GFM2: variants seen among roughly 807,000 people sequenced by gnomAD.
GFM2 encodes GTP dependent ribosome recycling factor mitochondrial 2, also known as ribosome-releasing factor 2, mitochondrial.
GFM2 carries 72 observed loss-of-function variants against 95.4 expected under a neutral mutation model. The ratio of observed to expected loss-of-function variants is 0.76; its 90% CI spans 0.62 to 0.92. GFM2 has a LOEUF of 0.92. GFM2 is among the 40% of genes least tolerant of loss of function. The pLI is 0.00. For missense variants in GFM2, 825 were observed against 924.1 expected (o/e 0.89, Z 1.39); for synonymous variants, 276 against 317.5 (o/e 0.87, Z 1.39).
At chr5:74,760,818 A>G in intron 3 of GFM2, 84 bp downstream of exon 3, 1 of 898,730 alleles carries the variant, frequency 1.1e-6, no homozygotes. Context: ...CAGAGCCCTA[A>G]TAAGGGAGAT....
chr5:74,765,731 T>A (rs1020732133), intron 1 of GFM2, among the ~76,000 whole-genome samples: 3 of 152,164 alleles, frequency 2.0e-5, no homozygotes, highest in Admixed American at 1.3e-4. Flanking sequence ...GCTCGGTGGC[T>A]CACGCCTGTA....
chr5:74,755,806 A>G (rs955054127), intron 5 of GFM2, among the ~76,000 whole-genome samples: 5 of 152,218 alleles, frequency 3.3e-5, no homozygotes, highest in Non-Finnish European at 7.4e-5. Context: ...ATTGGCACCA[A>G]TTCTATTGAT....
chr5:74,738,301 A>T lies in GFM2; in HGVS notation c.1320+17T>A. ...ATTTAAGCTGTTATTTCCTAGAGAAATCATTTGGTCACTTACATGTTTAAG... is the reference window on the plus strand; with the variant it reads ...ATTTAAGCTGTTATTTCCTAGAGAATTCATTTGGTCACTTACATGTTTAAG... On this transcript the variant is annotated intron_variant, in intron 14 of 20. Coordinates refer to ENST00000296805, the MANE Select transcript of GFM2 (RefSeq NM_032380.5). 1 of 1,577,734 alleles carries T rather than the reference A, an allele frequency of 6.3e-7. No individual in the cohort carries two copies. Among genetic ancestry groups the T allele is most frequent in the African/African-American group, 1.4e-5 (1 of 73,638 alleles).
Position 74,760,963 on chromosome 5 carries a change from T to C in GFM2, c.87A>G (p.Arg29=), listed in dbSNP as rs745476916. ...YINNICCYKI[R]ASLKRLKPHV... ...GTGGCTTTAATCTTTTTAAACTTGC[T>C]CTTATTTTATAGCAGCATATATTCT... Residue 29 remains arginine, a synonymous_variant, in exon 3 of 21, where the codon AGA becomes AGG. Coordinates refer to ENST00000296805, the MANE Select transcript of GFM2 (RefSeq NM_032380.5). 47 of 1,606,300 alleles carry C rather than the reference T, an allele frequency of 2.9e-5. No homozygotes were observed. The highest frequency in any genetic ancestry group is 4.0e-5 in the Non-Finnish European group (47 of 1,173,736).
intron 7 of GFM2, among the ~76,000 whole-genome samples, chr5:74,749,308 G>A (rs1169599524): frequency 6.6e-6 from 1 of 152,072 alleles, no homozygotes; most frequent in Non-Finnish European, 1.5e-5. Flanking sequence ...GAGCCACCAT[G>A]CCTGGCCTCT....
intron 8 of GFM2, among the ~76,000 whole-genome samples, chr5:74,746,992 T>G (rs1188713096): frequency 2.0e-5 from 3 of 152,214 alleles, no homozygotes; most frequent in Non-Finnish European, 4.4e-5. Flanking sequence ...TTATGTTTCA[T>G]TTTTGCCATT....
intron 10 of GFM2, among the ~76,000 whole-genome samples, chr5:74,743,645 A>G (rs1317977146): frequency 6.6e-6 from 1 of 152,236 alleles, no homozygotes; most frequent in Admixed American, 6.5e-5. Flanking sequence ...GTTTATTCTT[A>G]TAGCTCTTCT....
intron 15 of GFM2, 142 bp downstream of exon 15, chr5:74,736,654 A>T: frequency 6.8e-7 from 1 of 1,466,392 alleles, no homozygotes; most frequent in African/African-American, 1.4e-5. Context: ...TTAAAAAACA[A>T]GACCAACCAC....
intron 1 of GFM2, chr5:74,764,991 A>AG (rs1744480913): frequency 3.2e-6 from 1 of 307,936 alleles, no homozygotes; most frequent in South Asian, 3.7e-5. Flanking sequence ...TCGCCATGTT[A>AG]GCCAGACTGG....
At chr5:74,741,176 C>A (rs192815461) in intron 11 of GFM2, among the ~76,000 whole-genome samples, 222 of 152,152 alleles carry the variant, frequency 1.5e-3, no homozygotes, top group Admixed American at 3.2e-3. Flanking sequence ...ATTGTAGTAG[C>A]CTGAAACAAC....
At chr5:74,753,921 T>G (rs1050396340) in intron 5 of GFM2, among the ~76,000 whole-genome samples, 76 of 152,072 alleles carry the variant, frequency 5.0e-4, no homozygotes, top group African/African-American at 1.8e-3. Flanking sequence ...GTCATCAGGT[T>G]ATCTAAAGTC....
chr5:74,750,177 C>T lies in GFM2; in HGVS notation c.519+402G>A, dbSNP rs536531421. On this transcript the variant is annotated intron_variant, in intron 7 of 20. Transcript: ENST00000296805. Reference sequence around the variant, plus strand: ...AATGCAATCTGTTTGAATGATTAAACGTCAAATTTATCTAAAGTTACAACA... The same window carrying T: ...AATGCAATCTGTTTGAATGATTAAATGTCAAATTTATCTAAAGTTACAACA... Among the ~76,000 whole-genome samples the T allele has an allele frequency of 1.8e-4, 27 of 152,236 alleles. No individual in the cohort carries two copies. In the South Asian group the frequency reaches 5.2e-3, roughly 29 times the overall value.
rs182444572 is a variant in GFM2 at position 74,749,608 on chromosome 5, T to C, written c.519+971A>G. On this transcript the variant is annotated intron_variant, in intron 7 of 20. Transcript: ENST00000296805. ...TAGTCTGGATACAAATCCATGGTTA[T>C]AGATACGTACTATAAATACTTCAGT... 1.6e-4 allele frequency among the ~76,000 whole-genome samples: 25 copies of C among 152,332 alleles called. No homozygotes were observed. In the East Asian group the frequency reaches 3.3e-3, roughly 20 times the overall value.
chr5:74,734,387 C>CA (rs1742730373), intron 15 of GFM2, among the ~76,000 whole-genome samples: 1 of 151,988 alleles, frequency 6.6e-6, no homozygotes, highest in African/African-American at 2.4e-5. Flanking sequence ...ATGTAGGTCA[C>CA]ATTATATTTC....
At chr5:74,729,925 G>T (rs1376772543) in intron 17 of GFM2, among the ~76,000 whole-genome samples, 5 of 152,052 alleles carry the variant, frequency 3.3e-5, no homozygotes, top group Admixed American at 6.6e-5. Context: ...TTACTTTATA[G>T]AGTAAAAATA....
chr5:74,743,535 C>T (rs548544046), intron 10 of GFM2, among the ~76,000 whole-genome samples: 1 of 152,230 alleles, frequency 6.6e-6, no homozygotes, highest in South Asian at 2.1e-4. Flanking sequence ...GTCTCAGATT[C>T]TTTCTGAGAT....
chr5:74,745,976 A>C, intron 9 of GFM2, 119 bp from the exon 10 acceptor site: 1 of 1,065,306 alleles, frequency 9.4e-7, no homozygotes, highest in Non-Finnish European at 1.4e-6. Flanking sequence ...CATTACTATA[A>C]TCTGTGGCTA....
At chr5:74,742,514 T>G (rs1344379844) in intron 10 of GFM2, among the ~76,000 whole-genome samples, 1 of 152,228 alleles carries the variant, frequency 6.6e-6, no homozygotes, top group Non-Finnish European at 1.5e-5. Flanking sequence ...AATTATGCTT[T>G]AAGAATATAT....
chr5:74,747,657 C>T lies in GFM2; in HGVS notation c.608+35G>A, dbSNP rs774940465. 6.1e-5 allele frequency: 76 copies of T among 1,253,752 alleles called. 3 individuals carry two copies. In the South Asian group the frequency reaches 9.1e-4, roughly 15 times the overall value. 77.7% of individuals were successfully genotyped at this position (1,253,752 alleles called of 1,614,324 possible). A position where few individuals can be genotyped will look rare whatever the true frequency, so the allele number is the denominator to read the frequency against. ...TCATTAAAAGCTCAAATTGTAGTTT[C>T]ACCCTGATAAGCCAATGAAACACAT... On this transcript the variant is annotated intron_variant, in intron 8 of 20. Coordinates refer to ENST00000296805, the MANE Select transcript of GFM2 (RefSeq NM_032380.5).
Sources: allele counts gnomAD v4.1 joint callset (sites outside exome capture counted in the v4.1 genomes callset), GRCh38; gene constraint gnomAD v4.1.1; transcripts MANE v1.5; gene names NCBI Gene and HGNC (gene_info 2026-07-23, HGNC 2026-07-21).